Variants in BMP6 observed in about 807,000 individuals in gnomAD.
BMP6 encodes the protein bone morphogenetic protein 6.
In BMP6, 17 loss-of-function variants were observed where a neutral mutation model predicts 54.1. The ratio of observed to expected loss-of-function variants is 0.31; its 90% CI spans 0.22 to 0.47. BMP6 has a LOEUF of 0.47. BMP6 is among the 20% of genes least tolerant of loss of function. The pLI, the probability that BMP6 is intolerant of heterozygous loss-of-function variation, is 1.00. For missense variants in BMP6, 720 were observed against 690.4 expected (o/e 1.04, Z -0.48); for synonymous variants, 328 against 291.2 (o/e 1.13, Z -1.28).
intron 1 of BMP6, among the ~76,000 whole-genome samples, chr6:7,736,174 C>T (rs549404240): frequency 1.4e-4 from 22 of 151,932 alleles, no homozygotes; most frequent in Non-Finnish European, 2.2e-4. Flanking sequence ...TTTTTTCCTC[C>T]GCATAGTTTG....
intron 4 of BMP6, among the ~76,000 whole-genome samples, chr6:7,871,825 G>T (rs1759530052): frequency 6.6e-6 from 1 of 152,212 alleles, no homozygotes; most frequent in Admixed American, 6.5e-5. Context: ...GAGGGCAGCA[G>T]TTCCAATTCT....
chr6:7,877,044 T>C (rs572769530), intron 4 of BMP6, among the ~76,000 whole-genome samples: 110 of 152,300 alleles, frequency 7.2e-4, no homozygotes, highest in Non-Finnish European at 7.8e-4. Flanking sequence ...TTTGTGTGGC[T>C]GATTCATTTT....
chr6:7,744,822 C>T (rs900479792), intron 1 of BMP6, among the ~76,000 whole-genome samples: 4 of 152,146 alleles, frequency 2.6e-5, no homozygotes, highest in East Asian at 1.9e-4. Context: ...TCTGATTCTC[C>T]GGGCAGAAAG....
intron 1 of BMP6, among the ~76,000 whole-genome samples, chr6:7,825,901 A>AT (rs888674355): frequency 3.9e-5 from 6 of 152,268 alleles, no homozygotes; most frequent in African/African-American, 1.4e-4. Context: ...CCCTATCGGC[A>AT]TTTTGAGGCA....
At chr6:7,767,088 G>T (rs951238981) in intron 1 of BMP6, among the ~76,000 whole-genome samples, 1 of 151,294 alleles carries the variant, frequency 6.6e-6, no homozygotes, top group Non-Finnish European at 1.5e-5. Context: ...CCGGGTTCAC[G>T]CCATTCTCCT....
At chr6:7,793,467 C>T (rs1256870932) in intron 1 of BMP6, among the ~76,000 whole-genome samples, 1 of 151,956 alleles carries the variant, frequency 6.6e-6, no homozygotes, top group East Asian at 1.9e-4. Flanking sequence ...ATACGGTTGC[C>T]CAAACCCATA....
intron 1 of BMP6, among the ~76,000 whole-genome samples, chr6:7,832,774 T>G (rs556613382): frequency 6.8e-6 from 1 of 148,106 alleles, no homozygotes; most frequent in East Asian, 2.0e-4. Context: ...TTTTCAAAAT[T>G]TGGGTTCTGT....
intron 2 of BMP6, among the ~76,000 whole-genome samples, chr6:7,852,310 C>T (rs1759156234): frequency 6.6e-6 from 1 of 152,210 alleles, no homozygotes; most frequent in Admixed American, 6.5e-5. Flanking sequence ...CAGCGGCTCA[C>T]ATCTATAAAT....
In BMP6 at chr6:7,769,804, G is replaced by A. The variant is rs564781266; in HGVS notation, c.664+42185G>A. 6.6e-5 allele frequency among the ~76,000 whole-genome samples: 10 copies of A among 152,344 alleles called. No homozygotes were observed. In the South Asian group the frequency reaches 1.9e-3, roughly 28 times the overall value. On this transcript the variant is annotated intron_variant, in intron 1 of 6. Transcript: ENST00000283147. ...GTCCTACCGCATGTCTGCAAATGCA[G>A]ATAGTTTTTCTTTCCAATATTCCTA... is the stretch of plus-strand genomic sequence containing the variant.
chr6:7,742,668 C>A (rs1757286061), intron 1 of BMP6, among the ~76,000 whole-genome samples: 1 of 152,148 alleles, frequency 6.6e-6, no homozygotes, highest in African/African-American at 2.4e-5. Flanking sequence ...CACTGTATTT[C>A]CAGACCATTG....
At chr6:7,816,616 T>C (rs1428006098) in intron 1 of BMP6, among the ~76,000 whole-genome samples, 1 of 152,202 alleles carries the variant, frequency 6.6e-6, no homozygotes, top group South Asian at 2.1e-4. Flanking sequence ...GCCCCATCCA[T>C]AATTGCTTTC....
chr6:7,736,691 CTG>C (rs1199894768), intron 1 of BMP6, among the ~76,000 whole-genome samples: 1 of 152,178 alleles, frequency 6.6e-6, no homozygotes, highest in Non-Finnish European at 1.5e-5. Context: ...AATGTGGTAA[CTG>C]AAGAGCAGTT....
At chr6:7,767,011 G>T (rs1757703087) in intron 1 of BMP6, among the ~76,000 whole-genome samples, 1 of 148,238 alleles carries the variant, frequency 6.7e-6, no homozygotes, top group Non-Finnish European at 1.5e-5. Context: ...TTTTGAGACG[G>T]AGTCTCGCTC....
At chr6:7,801,879 T>C (rs1758274223) in intron 1 of BMP6, among the ~76,000 whole-genome samples, 1 of 152,156 alleles carries the variant, frequency 6.6e-6, no homozygotes, top group South Asian at 2.1e-4. Flanking sequence ...TCAAGCAATA[T>C]GGGGTGCAGA....
intron 1 of BMP6, among the ~76,000 whole-genome samples, chr6:7,829,764 G>T (rs923782580): frequency 4.6e-5 from 7 of 152,234 alleles, no homozygotes; most frequent in African/African-American, 1.7e-4. Context: ...AGAGCATTTT[G>T]GTCACAGGGT....
At chr6:7,743,076 C>T (rs564018509) in intron 1 of BMP6, among the ~76,000 whole-genome samples, 11 of 152,208 alleles carry the variant, frequency 7.2e-5, no homozygotes, top group African/African-American at 2.6e-4. Context: ...CATTTTATTC[C>T]ATGAACTTCA....
chr6:7,821,581 T>C (rs1454532975), intron 1 of BMP6, among the ~76,000 whole-genome samples: 1 of 152,226 alleles, frequency 6.6e-6, no homozygotes, highest in Non-Finnish European at 1.5e-5. Context: ...CATAGTGTAA[T>C]GATGACTGTG....
rs370602743 is a variant in BMP6 at position 7,760,444 on chromosome 6, G to A, written c.664+32825G>A. Among the ~76,000 whole-genome samples, 10 of 151,768 alleles carry A rather than the reference G, an allele frequency of 6.6e-5. No homozygotes were observed. In the East Asian group the frequency reaches 1.4e-3, roughly 21 times the overall value. On this transcript the variant is annotated intron_variant, in intron 1 of 6. Coordinates refer to ENST00000283147, the MANE Select transcript of BMP6 (RefSeq NM_001718.6). ...TTTGGGCAAGTAGTTTAGCTCTCTT[G>A]GACCATAGTTTTACTTATTTATTTA...
chr6:7,831,333 C>T (rs1561785455), intron 1 of BMP6, among the ~76,000 whole-genome samples: 1 of 152,076 alleles, frequency 6.6e-6, no homozygotes, highest in African/African-American at 2.4e-5. Context: ...GCTTCATGGG[C>T]TTTGTGTAGA....
Sources: allele counts gnomAD v4.1 joint callset (sites outside exome capture counted in the v4.1 genomes callset), GRCh38; gene constraint gnomAD v4.1.1; transcripts MANE v1.5; gene names NCBI Gene and HGNC (gene_info 2026-07-23, HGNC 2026-07-21).